The following SPG11 variants were observed in gnomAD, a reference collection of about 807,000 sequenced individuals.
SPG11 encodes the protein spatacsin.
SPG11 carries 222 observed loss-of-function variants against 274.0 expected under a neutral mutation model. The observed-to-expected ratio is 0.81, with a 90% CI of 0.73 to 0.91. The LOEUF is 0.91. SPG11 is among the 40% of genes least tolerant of loss of function. SPG11 has a pLI of 0.00. For missense variants in SPG11, 3,114 were observed against 2,872.7 expected (o/e 1.08, Z -1.92); for synonymous variants, 1,144 against 1,039.7 (o/e 1.10, Z -1.93).
chr15:44,606,747 T>C (rs1462044298), intron 19 of SPG11, among the ~76,000 whole-genome samples: 1 of 152,206 alleles, frequency 6.6e-6, no homozygotes, highest in Non-Finnish European at 1.5e-5. Context: ...GTAGCTTTGA[T>C]GTAAAACTAA....
Position 44,572,835 on chromosome 15 carries a change from G to A in SPG11, c.6206-15C>T, listed in dbSNP as rs761965777. 11 of 1,613,766 alleles carry A rather than the reference G, an allele frequency of 6.8e-6. No individual in the cohort carries two copies. Among genetic ancestry groups the A allele is most frequent in the African/African-American group, 5.3e-5 (4 of 74,868 alleles). On this transcript the variant is annotated splice_polypyrimidine_tract_variant and intron_variant, in intron 32 of 39. Coordinates refer to ENST00000261866, the MANE Select transcript of SPG11 (RefSeq NM_025137.4). ...CTGCTTATGTCCTGTACAGAGAGGT[G>A]TGAAGACAGGTGCTGGTTTTATCTA...
intron 15 of SPG11, among the ~76,000 whole-genome samples, chr15:44,618,715 G>T (rs985331594): frequency 5.3e-5 from 8 of 151,876 alleles, no homozygotes; most frequent in African/African-American, 1.7e-4. Flanking sequence ...AGCTACTCTG[G>T]AGGCTGAGGC....
chr15:44,562,949 A>C lies in SPG11; in HGVS notation c.*172T>G. ...CATCTAAAATCAATCTATTTTAAAT[A>C]GGAATTTCCTCCTGAAAAGTTTCTT... On this transcript the variant is annotated 3_prime_UTR_variant, in exon 40 of 40. Transcript: ENST00000261866. The C allele has an allele frequency of 3.4e-5, 21 of 612,790 alleles. 1 individual carries two copies. The South Asian group carries it at 4.2e-4, about 12-fold the overall frequency. 38.0% of individuals were successfully genotyped at this position (612,790 alleles called of 1,614,324 possible). A position where few individuals can be genotyped will look rare whatever the true frequency, so the allele number is the denominator to read the frequency against.
intron 30 of SPG11, among the ~76,000 whole-genome samples, chr15:44,581,480 T>TA (rs2082657883): frequency 6.6e-6 from 1 of 152,046 alleles, no homozygotes; most frequent in Non-Finnish European, 1.5e-5. Flanking sequence ...GTGCTGGAAT[T>TA]ACAGGTGTGA....
chr15:44,574,191 A>C (rs2082486252), intron 31 of SPG11, among the ~76,000 whole-genome samples: 1 of 152,122 alleles, frequency 6.6e-6, no homozygotes, highest in South Asian at 2.1e-4. Flanking sequence ...TTTGGTAGAG[A>C]TGGGGTTTCT....
In SPG11 at chr15:44,598,303, T is replaced by A. The variant is rs1002975453; in HGVS notation, c.3963A>T (p.Glu1321Asp). Residue 1321 changes from glutamate (E) to aspartate (D), a missense_variant, in exon 23 of 40, where the codon GAA (glutamate) becomes GAT (aspartate). Coordinates refer to ENST00000261866, the MANE Select transcript of SPG11 (RefSeq NM_025137.4). ...TTEELLVLLE[E>D]GTWNSIQQQE... Reference sequence around the variant, plus strand: ...GTTGCTGAATGCTGTTCCATGTACCTTCTTCTAAGAGAACAAGCAATTCTT... The same window carrying A: ...GTTGCTGAATGCTGTTCCATGTACCATCTTCTAAGAGAACAAGCAATTCTT... 1 of 1,614,088 alleles carries A rather than the reference T, an allele frequency of 6.2e-7. No homozygotes were observed. The highest frequency in any genetic ancestry group is 8.5e-7 in the Non-Finnish European group (1 of 1,179,930).
intron 30 of SPG11, among the ~76,000 whole-genome samples, chr15:44,579,793 T>C (rs1302067153): frequency 6.6e-6 from 1 of 152,188 alleles, no homozygotes; most frequent in African/African-American, 2.4e-5. Context: ...TGTATAACCA[T>C]GTTTCCATCA....
Position 44,657,143 on chromosome 15 carries a change from A to G in SPG11, c.821T>C (p.Val274Ala), listed in dbSNP as rs1050146375. Residue 274 changes from valine to alanine, a missense_variant, in exon 4 of 40, where the codon GTC (valine) becomes GCC (alanine). Coordinates refer to ENST00000261866, the MANE Select transcript of SPG11 (RefSeq NM_025137.4). ...AGCAACTGCGGAGTTGGAGGAGCTG[A>G]CAATCACTGCAACATCGAGGTCTTG... ...VSQDLDVAVI[V>A]SSSNSAVALN... 3 of 1,614,220 alleles carry G rather than the reference A, an allele frequency of 1.9e-6. No individual in the cohort carries two copies. In the Admixed American group the frequency reaches 5.0e-5, roughly 27 times the overall value.
At chr15:44,650,764 T>C (rs538948608) in intron 6 of SPG11, among the ~76,000 whole-genome samples, 1 of 152,300 alleles carries the variant, frequency 6.6e-6, no homozygotes, top group East Asian at 1.9e-4. Flanking sequence ...TTTTTCTTTT[T>C]TTTGAGACGG....
Position 44,600,507 on chromosome 15 carries a change from G to C in SPG11, c.3646C>G (p.Leu1216Val), listed in dbSNP as rs12902253. 3 of 1,614,048 alleles carry C rather than the reference G, an allele frequency of 1.9e-6. No homozygotes were observed. The highest frequency in any genetic ancestry group is 2.5e-6 in the Non-Finnish European group (3 of 1,180,008). ...TTGCTCTTGATTAATTCCTGGACCA[G>C]AAAAGTACCAAATGCAAATGATGGC... ...GRPSFAFGTF[L>V]VQELIKSKTP... The change falls in exon 21 of 40, where the codon CTG becomes GTG. Residue 1216 changes from leucine to valine, a missense_variant. Transcript: ENST00000261866.
chr15:44,565,757 T>C (rs1349495849), intron 38 of SPG11, 97 bp downstream of exon 38: 1 of 1,478,780 alleles, frequency 6.8e-7, no homozygotes, highest in Non-Finnish European at 9.3e-7. Flanking sequence ...GTCCTGGTTC[T>C]GTCACTAGCC....
chr15:44,604,788 C>T (rs528849853), intron 20 of SPG11, among the ~76,000 whole-genome samples: 3 of 151,464 alleles, frequency 2.0e-5, no homozygotes, highest in East Asian at 3.9e-4. Context: ...ATTAGCCAGG[C>T]GTGGTGGTGG....
At chr15:44,570,477 C>G (rs1476648141) in intron 34 of SPG11, 48 bp downstream of exon 34, 1 of 1,613,228 alleles carries the variant, frequency 6.2e-7, no homozygotes, top group Non-Finnish European at 8.5e-7. Context: ...TTCTACTACT[C>G]TCAAAGGTTT....
rs2082706047 is a variant in SPG11, at chr15:44,583,992, T to G, written c.5688A>C (p.Arg1896Ser). The change falls in exon 30 of 40, where the codon AGA becomes AGC. Residue 1896 changes from arginine to serine, a missense_variant. Physicochemically the swap from Arg to Ser is moderately radical, Grantham distance 110. Coordinates refer to ENST00000261866, the MANE Select transcript of SPG11 (RefSeq NM_025137.4). ...TATAAAAATGAAAATACCGGCATAC[T>G]CTACTTGCTTCATGCACACAGCCAT... ...LDDGCVHEAS[R>S]VCRYFHFYNP... 6 of 1,614,074 alleles carry G rather than the reference T, an allele frequency of 3.7e-6. No individual in the cohort carries two copies. The highest frequency in any genetic ancestry group is 1.3e-5 in the African/African-American group (1 of 74,940).
chr15:44,584,651 C>G (rs1595843945), intron 29 of SPG11, 93 bp from the exon 30 acceptor site: 1 of 1,458,088 alleles, frequency 6.9e-7, no homozygotes, highest in East Asian at 2.3e-5. Context: ...CTTGTTTGGA[C>G]AGGGTCTCAG....
In SPG11 at chr15:44,600,297, T is replaced by C. The variant is rs1448710195; in HGVS notation, c.3686+170A>G. 3 of 647,628 alleles carry C rather than the reference T, an allele frequency of 4.6e-6. No homozygotes were observed. In the Admixed American group the frequency reaches 8.3e-5, roughly 18 times the overall value. The allele number at this position is 647,628 out of a possible 1,614,324, so 40.1% of individuals were successfully genotyped here. A position where few individuals can be genotyped will look rare whatever the true frequency, so the allele number is the denominator to read the frequency against. On this transcript the variant is annotated intron_variant, in intron 21 of 39. Transcript: ENST00000261866. ...CAAATTATATTTTATTTTACTTTTT[T>C]TGTTTTAGTGGCAGAGCCTCACTGT... is the stretch of plus-strand genomic sequence containing the variant.
chr15:44,573,364 G>A, intron 32 of SPG11, 183 bp downstream of exon 32: 2 of 677,786 alleles, frequency 3.0e-6, no homozygotes, highest in Non-Finnish European at 5.2e-6. Flanking sequence ...CATGTATTTT[G>A]TACATGTATT....
rs1437826237 is a variant in SPG11 at position 44,565,877 on chromosome 15, G to A, written c.6976C>T (p.Leu2326=). 6.2e-7 allele frequency: 1 copy of A among 1,614,112 alleles called. No homozygotes were observed. The highest frequency in any genetic ancestry group is 8.5e-7 in the Non-Finnish European group (1 of 1,180,018). The part of the protein sequence containing the change: ...LGRHKLMDCI[L]ALPRFYQASI... Reference sequence around the variant, plus strand: ...ACCTGGTAGAACCGAGGTAGGGCCAGAATACAGTCCATCAGCTTGTGGCGG... The same window carrying A: ...ACCTGGTAGAACCGAGGTAGGGCCAAAATACAGTCCATCAGCTTGTGGCGG... Residue 2326 remains leucine (L), a synonymous_variant, in exon 38 of 40, where the codon CTG becomes TTG. Transcript: ENST00000261866.
At chr15:44,563,660 A>AGAT (rs2082245039) in intron 39 of SPG11, among the ~76,000 whole-genome samples, 1 of 147,700 alleles carries the variant, frequency 6.8e-6, no homozygotes, top group African/African-American at 2.5e-5. Flanking sequence ...CTTAAATAAA[A>AGAT]GATGGAGGTC....
Sources: gnomAD v4.1 joint callset for allele counts (sites outside exome capture counted in the v4.1 genomes callset) on GRCh38, gnomAD v4.1.1 for gene constraint, MANE v1.5 for transcripts, NCBI Gene and HGNC (gene_info 2026-07-23, HGNC 2026-07-21) for gene names.